CFAP54: variants seen among roughly 807,000 people sequenced by gnomAD.
The protein encoded by CFAP54 is cilia and flagella associated protein 54.
Under a neutral mutation model 370.4 loss-of-function variants are expected in CFAP54, and 290 were observed. That is an observed-to-expected ratio of 0.78 (90% CI 0.71 to 0.86). The LOEUF is 0.86. Ranked by LOEUF, CFAP54 falls within the 40% of genes least tolerant of loss-of-function variation. CFAP54 has a pLI of 0.00. For synonymous variants in CFAP54, 1,206 were observed against 1,236.5 expected, an observed-to-expected ratio of 0.98 and a Z score of 0.52; for missense variants, 3,399 against 3,528.7, an observed-to-expected ratio of 0.96 and a Z score of 0.93.
Position 96,534,108 on chromosome 12 carries a change from T to C in CFAP54, c.1586T>C (p.Leu529Pro). The stretch of plus-strand genomic sequence containing the variant: ...AAGAAAGCAGAGAAGGATTTAACTC[T>C]TCTGATTGCAATGGAACCACTAATC... ...ESKKAEKDLTLLIAMEPLINV... is the reference protein window; with the variant it reads ...ESKKAEKDLTPLIAMEPLINV... The change falls in exon 11 of 68, where the codon CTT becomes CCT. Residue 529 changes from leucine to proline, a missense_variant. Transcript: ENST00000524981. 6.5e-7 allele frequency: 1 copy of C among 1,534,456 alleles called. No homozygotes were observed. The highest frequency in any genetic ancestry group is 8.7e-7 in the Non-Finnish European group (1 of 1,146,110).
chr12:96,569,912 T>A lies in CFAP54; in HGVS notation c.2619+5147T>A, dbSNP rs182629271. Among the ~76,000 whole-genome samples, 3 of 152,318 alleles carry A rather than the reference T, an allele frequency of 2.0e-5. No individual in the cohort carries two copies. In the East Asian group the frequency reaches 5.8e-4, roughly 29 times the overall value. ...TTTTCCTATTTTGTAGCATTTCAAG[T>A]CAAATCAATTCTATCTGATTTTTTT... On this transcript the variant is annotated intron_variant, in intron 19 of 67. Coordinates refer to ENST00000524981, the MANE Select transcript of CFAP54 (RefSeq NM_001306084.2).
chr12:96,847,488 T>C lies in CFAP54; in HGVS notation c.9172-13331T>C, dbSNP rs548533760. ...TTTAATCACTCCCCCTACCCCTTAGTATATAAAAGATGGTCAGTTCCAACT... is the reference window on the plus strand; with the variant it reads ...TTTAATCACTCCCCCTACCCCTTAGCATATAAAAGATGGTCAGTTCCAACT... On this transcript the variant is annotated intron_variant, in intron 66 of 67. Transcript: ENST00000524981. Among the ~76,000 whole-genome samples the C allele has an allele frequency of 1.4e-4, 22 of 152,310 alleles. No homozygotes were observed. The South Asian group carries it at 4.4e-3, about 30-fold the overall frequency.
At chr12:96,537,888 G>C (rs1955524523) in intron 12 of CFAP54, among the ~76,000 whole-genome samples, 1 of 151,928 alleles carries the variant, frequency 6.6e-6, no homozygotes, top group Admixed American at 6.6e-5. Context: ...AGGGGTTCGA[G>C]ACCAGCCTGG....
chr12:96,533,084 T>G (rs1364201870), intron 9 of CFAP54, among the ~76,000 whole-genome samples: 1 of 152,134 alleles, frequency 6.6e-6, no homozygotes, highest in Non-Finnish European at 1.5e-5. Context: ...ACCTTATTGC[T>G]CAATCCAGGG....
chr12:96,789,381 A>G (rs1958661973), intron 62 of CFAP54, among the ~76,000 whole-genome samples: 1 of 152,194 alleles, frequency 6.6e-6, no homozygotes. Context: ...GAATGAAATC[A>G]TTGCCATCTA....
Position 96,674,604 on chromosome 12 carries a change from A to G in CFAP54, c.5564-4996A>G, listed in dbSNP as rs1193813999. Reference sequence around the variant, plus strand: ...CAGGAAAAAGATCTGCAGGGCTTGAAAAAAGGGGAGAAAAAGAAAGTGAAA... The same window carrying G: ...CAGGAAAAAGATCTGCAGGGCTTGAGAAAAGGGGAGAAAAAGAAAGTGAAA... On this transcript the variant is annotated intron_variant, in intron 39 of 67. Coordinates refer to ENST00000524981, the MANE Select transcript of CFAP54 (RefSeq NM_001306084.2). 2.0e-5 allele frequency among the ~76,000 whole-genome samples: 3 copies of G among 152,324 alleles called. No homozygotes were observed. In the South Asian group the frequency reaches 6.2e-4, roughly 32 times the overall value.
chr12:96,560,837 T>TA lies in CFAP54; in HGVS notation c.2411-3630dup, dbSNP rs142897339. Among the ~76,000 whole-genome samples, 49 of 152,354 alleles carry TA rather than the reference T, an allele frequency of 3.2e-4. No individual in the cohort carries two copies. The East Asian group carries it at 7.5e-3, about 23-fold the overall frequency. On this transcript the variant is annotated intron_variant, in intron 17 of 67. Coordinates refer to ENST00000524981, the MANE Select transcript of CFAP54 (RefSeq NM_001306084.2). ...CCAACAGACTTTCACCCAATGGTCT[T>TA]ACTCCCTCCATTGGTGATCCTTCCT...
At chr12:96,754,935 G>T (rs923561298) in intron 56 of CFAP54, among the ~76,000 whole-genome samples, 1 of 152,004 alleles carries the variant, frequency 6.6e-6, no homozygotes, top group African/African-American at 2.4e-5. Context: ...GTAGAGATGG[G>T]GTTTCACTAT....
chr12:96,669,101 A>G (rs1957114378), intron 39 of CFAP54, among the ~76,000 whole-genome samples: 2 of 152,234 alleles, frequency 1.3e-5, no homozygotes, highest in Non-Finnish European at 2.9e-5. Context: ...TGCTGCTGCC[A>G]TAAACAATAA....
At chr12:96,596,820 T>C (rs924700348) in intron 25 of CFAP54, among the ~76,000 whole-genome samples, 7 of 152,022 alleles carry the variant, frequency 4.6e-5, no homozygotes, top group Non-Finnish European at 1.0e-4. Context: ...ACAAAAAGTC[T>C]TACAAACTGA....
At chr12:96,515,912 GTTTTTT>G (rs71437221) in intron 5 of CFAP54, among the ~76,000 whole-genome samples, 12,820 of 108,184 alleles carry the variant, frequency 0.12, 957 homozygotes, top group East Asian at 0.47. Context: ...TTACCTCTAT[GTTTTTT>G]TTTTTTTTTT....
In CFAP54 at chr12:96,509,921, T is replaced by C. The variant is rs148494628; in HGVS notation, c.739+2822T>C. 4.2e-3 allele frequency among the ~76,000 whole-genome samples: 644 copies of C among 152,032 alleles called. 7 individuals carry two copies. The highest frequency in any genetic ancestry group is 0.015 in the African/African-American group (609 of 41,468). Reference sequence around the variant, plus strand: ...ACCCTCAACTAGATTATTTTGATGGTGGCCATTTTTAATGAAAAGGACTCA... The same window carrying C: ...ACCCTCAACTAGATTATTTTGATGGCGGCCATTTTTAATGAAAAGGACTCA... On this transcript the variant is annotated intron_variant, in intron 4 of 67. Coordinates refer to ENST00000524981, the MANE Select transcript of CFAP54 (RefSeq NM_001306084.2).
intron 43 of CFAP54, among the ~76,000 whole-genome samples, chr12:96,690,312 A>T: frequency 6.6e-6 from 1 of 152,224 alleles, no homozygotes; most frequent in Non-Finnish European, 1.5e-5. Flanking sequence ...ATATCTCATG[A>T]CCTTAATAAG....
chr12:96,597,236 AT>A (rs1956189923), intron 25 of CFAP54, among the ~76,000 whole-genome samples: 1 of 152,056 alleles, frequency 6.6e-6, no homozygotes, highest in African/African-American at 2.4e-5. Context: ...TCTGTTAGTA[AT>A]TTATCTTATA....
At chr12:96,702,632 A>T (rs955976959) in intron 46 of CFAP54, among the ~76,000 whole-genome samples, 1 of 152,252 alleles carries the variant, frequency 6.6e-6, no homozygotes, top group Admixed American at 6.5e-5. Flanking sequence ...ACTAGTTTTC[A>T]TAAGATAAAT....
intron 2 of CFAP54, among the ~76,000 whole-genome samples, chr12:96,502,676 G>A (rs1054672387): frequency 6.6e-6 from 1 of 152,146 alleles, no homozygotes; most frequent in African/African-American, 2.4e-5. Flanking sequence ...TCAACCTTGG[G>A]CAGTTGCTTT....
In CFAP54 at chr12:96,617,020, A is replaced by G. The variant is rs1023992116; in HGVS notation, c.3640-4570A>G. Among the ~76,000 whole-genome samples the G allele has an allele frequency of 2.0e-5, 3 of 152,194 alleles. No homozygotes were observed. The East Asian group carries it at 5.8e-4, about 29-fold the overall frequency. ...GGAAAGGATTCATGAGTTATTTATGAGATAGAATTGAGAATCTGAAACTCT... is the reference window on the plus strand; with the variant it reads ...GGAAAGGATTCATGAGTTATTTATGGGATAGAATTGAGAATCTGAAACTCT... On this transcript the variant is annotated intron_variant, in intron 26 of 67. Coordinates refer to ENST00000524981, the MANE Select transcript of CFAP54 (RefSeq NM_001306084.2).
chr12:96,667,925 C>T (rs1296734758), intron 39 of CFAP54, among the ~76,000 whole-genome samples: 1 of 152,218 alleles, frequency 6.6e-6, no homozygotes, highest in African/African-American at 2.4e-5. Context: ...AATCATCTCT[C>T]AAGTTCAAAG....
At chr12:96,505,649 C>T (rs146804207) in intron 3 of CFAP54, among the ~76,000 whole-genome samples, 32 of 151,844 alleles carry the variant, frequency 2.1e-4, no homozygotes, top group African/African-American at 3.9e-4. Context: ...ATTACAGGTG[C>T]GCACCATCAT....
Sources: gnomAD v4.1 joint callset for allele counts (sites outside exome capture counted in the v4.1 genomes callset) on GRCh38, gnomAD v4.1.1 for gene constraint, MANE v1.5 for transcripts, NCBI Gene and HGNC (gene_info 2026-07-23, HGNC 2026-07-21) for gene names.